The following MFSD6 variants were observed in gnomAD, a reference collection of about 807,000 sequenced individuals.
The protein encoded by MFSD6 is major facilitator superfamily domain-containing protein 6.
Under a neutral mutation model 56.3 loss-of-function variants are expected in MFSD6, and 26 were observed. The observed-to-expected ratio is 0.46, with a 90% CI of 0.34 to 0.64. The LOEUF is 0.64. MFSD6 is among the 30% of genes least tolerant of loss of function. MFSD6 has a pLI of 0.01. For missense variants in MFSD6, 750 were observed against 986.2 expected, an observed-to-expected ratio of 0.76 and a Z score of 3.21; for synonymous variants, 331 against 366.9, an observed-to-expected ratio of 0.90 and a Z score of 1.12.
chr2:190,488,265 A>G lies in MFSD6; in HGVS notation c.1631-392A>G, dbSNP rs970574449. Among the ~76,000 whole-genome samples, 1 of 152,268 alleles carries G rather than the reference A, an allele frequency of 6.6e-6. No individual in the cohort carries two copies. The highest frequency in any genetic ancestry group is 2.4e-5 in the African/African-American group (1 of 41,468). On this transcript the variant is annotated intron_variant, in intron 4 of 7. Transcript: ENST00000392328. The surrounding 1 kb of genome is among the most constrained non-coding windows in gnomAD (Gnocchi z 6.4). The stretch of plus-strand genomic sequence containing the variant: ...ACCAGGTTGATAGCAGCATTAATCA[A>G]AGTAGCAGAAGGAAACAACAAATGT...
At chr2:190,408,718 G>A (rs1404812846) in intron 1 of MFSD6, among the ~76,000 whole-genome samples, 1 of 137,788 alleles carries the variant, frequency 7.3e-6, no homozygotes, top group Non-Finnish European at 1.6e-5. Context: ...TCCCTCCCCC[G>A]GCTTCCGTGT....
In MFSD6 at chr2:190,434,710, G is replaced by A. The variant is rs903373810; in HGVS notation, c.-53-1267G>A. ...GCCTCCCAAAGTGCTGGGATTACAG[G>A]TGTGAGCCACCGCGCCCGGCCAAAA... On this transcript the variant is annotated intron_variant, in intron 2 of 7. Transcript: ENST00000392328. This position sits in a 1 kb window ranked among gnomAD's most constrained non-coding sequence, Gnocchi z 4.3. 6.6e-6 allele frequency among the ~76,000 whole-genome samples: 1 copy of A among 152,172 alleles called. No homozygotes were observed. The highest frequency in any genetic ancestry group is 2.4e-5 in the African/African-American group (1 of 41,436).
chr2:190,430,922 G>A (rs1408504055), intron 2 of MFSD6, among the ~76,000 whole-genome samples: 1 of 151,738 alleles, frequency 6.6e-6, no homozygotes, highest in Non-Finnish European at 1.5e-5. Context: ...GTGGCTGCCG[G>A]GCGGAGGGGC....
Position 190,499,930 on chromosome 2 carries a change from T to C in MFSD6, c.2173-85T>C. Reference sequence around the variant, plus strand: ...CACTTCCGGATGATCTCCCCATGTTTCCTGTCTTACTTGAAAGCATATATA... The same window carrying C: ...CACTTCCGGATGATCTCCCCATGTTCCCTGTCTTACTTGAAAGCATATATA... On this transcript the variant is annotated intron_variant, in intron 7 of 7. Transcript: ENST00000392328. This position sits in a 1 kb window ranked among gnomAD's most constrained non-coding sequence, Gnocchi z 6.0. 1.3e-6 allele frequency: 2 copies of C among 1,594,048 alleles called. No individual in the cohort carries two copies. Among genetic ancestry groups the C allele is most frequent in the Non-Finnish European group, 1.7e-6 (2 of 1,165,898 alleles).
In MFSD6 at chr2:190,497,360, GT is replaced by G; in HGVS notation, c.1892-76del. 4 of 1,498,024 alleles carry G rather than the reference GT, an allele frequency of 2.7e-6. No homozygotes were observed. Among genetic ancestry groups the G allele is most frequent in the Non-Finnish European group, 3.6e-6 (4 of 1,110,690 alleles). The allele number at this position is 1,498,024 out of a possible 1,614,324, so 92.8% of individuals were successfully genotyped here. On this transcript the variant is annotated intron_variant, in intron 6 of 7. Transcript: ENST00000392328. The surrounding 1 kb of genome is among the most constrained non-coding windows in gnomAD (Gnocchi z 5.2). Reference sequence around the variant, plus strand: ...CTGGAATGGGTATATGGGATTCTTGGTTTATTTATTTATTTTTACCTTTGTT... The same window carrying G: ...CTGGAATGGGTATATGGGATTCTTGGTTATTTATTTATTTTTACCTTTGTT...
rs539707076 is a variant in MFSD6 at position 190,414,337 on chromosome 2, T to C, written c.-175-955T>C. 2.6e-4 allele frequency among the ~76,000 whole-genome samples: 39 copies of C among 152,332 alleles called. No individual in the cohort carries two copies. In the South Asian group the frequency reaches 7.9e-3, roughly 31 times the overall value. On this transcript the variant is annotated intron_variant, in intron 1 of 7. Coordinates refer to ENST00000392328, the MANE Select transcript of MFSD6 (RefSeq NM_017694.4). ...CCAATCCAGCAAAGGCAAGCTTCTTTAGCTATTATGGAGTGCCTTTCTTAA... is the reference window on the plus strand; with the variant it reads ...CCAATCCAGCAAAGGCAAGCTTCTTCAGCTATTATGGAGTGCCTTTCTTAA...
upstream of MFSD6, among the ~76,000 whole-genome samples, chr2:190,408,035 C>A (rs1220361288): frequency 6.6e-6 from 1 of 152,174 alleles, no homozygotes; most frequent in Non-Finnish European, 1.5e-5. Flanking sequence ...TCAGCGTGCT[C>A]CCCGGGCCCG....
rs1233182362 is a variant in MFSD6, at chr2:190,423,328, A to C, written c.-54+7915A>C. Among the ~76,000 whole-genome samples, 2 of 152,136 alleles carry C rather than the reference A, an allele frequency of 1.3e-5. No individual in the cohort carries two copies. The highest frequency in any genetic ancestry group is 4.8e-5 in the African/African-American group (2 of 41,434). ...GTGAATTCCTGGCAATCACCTGTCT[A>C]TCTCTATTTCAATGATGTTGTCATT... is the stretch of plus-strand genomic sequence containing the variant. On this transcript the variant is annotated intron_variant, in intron 2 of 7. Transcript: ENST00000392328. The surrounding 1 kb of genome is among the most constrained non-coding windows in gnomAD (Gnocchi z 4.3).
chr2:190,440,818 T>C (rs1437713422), intron 3 of MFSD6, among the ~76,000 whole-genome samples: 2 of 152,144 alleles, frequency 1.3e-5, no homozygotes, highest in Non-Finnish European at 2.9e-5. Flanking sequence ...TAGCAAAATA[T>C]ACAAATGAAC....
rs1690807843 is a variant in MFSD6, at chr2:190,417,097, A to G, written c.-54+1684A>G. On this transcript the variant is annotated intron_variant, in intron 2 of 7. Coordinates refer to ENST00000392328, the MANE Select transcript of MFSD6 (RefSeq NM_017694.4). The surrounding 1 kb of genome is among the most constrained non-coding windows in gnomAD (Gnocchi z 5.7). The stretch of plus-strand genomic sequence containing the variant: ...AGCAATAAAATTACCTATAAATCCT[A>G]CAGTAGATGTGAGAACAATCTCTAG... Among the ~76,000 whole-genome samples, 1 of 152,086 alleles carries G rather than the reference A, an allele frequency of 6.6e-6. No homozygotes were observed. The highest frequency in any genetic ancestry group is 1.9e-4 in the East Asian group (1 of 5,192).
In MFSD6 at chr2:190,469,719, C is replaced by A. The variant is rs1687803148; in HGVS notation, c.1533-39C>A. 1.7e-6 allele frequency: 2 copies of A among 1,178,888 alleles called. No homozygotes were observed. The highest frequency in any genetic ancestry group is 1.7e-5 in the African/African-American group (1 of 60,042). The allele number at this position is 1,178,888 out of a possible 1,614,324, so 73.0% of individuals were successfully genotyped here. A position where few individuals can be genotyped will look rare whatever the true frequency, so the allele number is the denominator to read the frequency against. On this transcript the variant is annotated intron_variant, in intron 3 of 7. Transcript: ENST00000392328. The surrounding 1 kb of genome is among the most constrained non-coding windows in gnomAD (Gnocchi z 5.3). ...TAGGGACTCAGTTTATTTTCCTTTG[C>A]TTTTTTTTATTTTATTTTTATTTTT...
At position 190,500,785 on chromosome 2, in the gene MFSD6, A is replaced by T. The variant is rs1689988113; in HGVS notation, c.*567A>T. On this transcript the variant is annotated 3_prime_UTR_variant, in exon 8 of 8. Coordinates refer to ENST00000392328, the MANE Select transcript of MFSD6 (RefSeq NM_017694.4). This position sits in a 1 kb window ranked among gnomAD's most constrained non-coding sequence, Gnocchi z 5.3. ...AAGTTAAAGTTAAAAAATGAAGTTA[A>T]AAGTTTCATCAGAAACTTTACATAT... 6.5e-6 allele frequency: 1 copy of T among 152,906 alleles called. No homozygotes were observed. The highest frequency in any genetic ancestry group is 1.5e-5 in the Non-Finnish European group (1 of 68,582). The allele number at this position is 152,906 out of a possible 1,614,324, so 9.5% of individuals were successfully genotyped here.
intron 3 of MFSD6, among the ~76,000 whole-genome samples, chr2:190,440,655 AATTT>A (rs1574112848): frequency 1.3e-5 from 2 of 152,196 alleles, no homozygotes; most frequent in African/African-American, 4.8e-5. Context: ...ATTTGATTTA[AATTT>A]ATTTACATTT....
chr2:190,482,167 T>A (rs1018689819), intron 4 of MFSD6, among the ~76,000 whole-genome samples: 1 of 152,228 alleles, frequency 6.6e-6, no homozygotes, highest in Non-Finnish European at 1.5e-5. Context: ...GCATTGCAGA[T>A]GGCAGATTCT....
In MFSD6 at chr2:190,431,020, CCA is replaced by C. The variant is rs1685971033; in HGVS notation, c.-53-4956_-53-4955del. The stretch of plus-strand genomic sequence containing the variant: ...GCTGGGCAGAGACGCTCCTCACCTC[CCA>C]GACGGGGTCGCGGCCGGGCAGAGGC... On this transcript the variant is annotated intron_variant, in intron 2 of 7. Coordinates refer to ENST00000392328, the MANE Select transcript of MFSD6 (RefSeq NM_017694.4). This position sits in a 1 kb window ranked among gnomAD's most constrained non-coding sequence, Gnocchi z 4.4. 8.8e-6 allele frequency among the ~76,000 whole-genome samples: 1 copy of C among 113,672 alleles called. No individual in the cohort carries two copies. Among genetic ancestry groups the C allele is most frequent in the Non-Finnish European group, 2.1e-5 (1 of 47,104 alleles). The allele number at this position is 113,672 out of a possible 152,430, so 74.6% of individuals were successfully genotyped here. A position where few individuals can be genotyped will look rare whatever the true frequency, so the allele number is the denominator to read the frequency against.
intron 3 of MFSD6, chr2:190,444,893 A>T: frequency 1.2e-6 from 1 of 831,392 alleles, no homozygotes; most frequent in Non-Finnish European, 1.4e-6. Context: ...GTAAAAAGTG[A>T]CGTTAATCTT....
At chr2:190,411,076 T>C in intron 1 of MFSD6, 1 of 976,466 alleles carries the variant, frequency 1.0e-6, no homozygotes, top group Non-Finnish European at 1.2e-6. Flanking sequence ...AAAAAAAAAC[T>C]AGCTTCAGAA....
chr2:190,497,860 A>G lies in MFSD6; in HGVS notation c.2172+141A>G. Reference sequence around the variant, plus strand: ...AAATAGACATGCAAACAATTTCAGTACTCTGTGAGCACTGAGTTAAAGAGG... The same window carrying G: ...AAATAGACATGCAAACAATTTCAGTGCTCTGTGAGCACTGAGTTAAAGAGG... On this transcript the variant is annotated intron_variant, in intron 7 of 7. Transcript: ENST00000392328. This position sits in a 1 kb window ranked among gnomAD's most constrained non-coding sequence, Gnocchi z 5.2. The G allele has an allele frequency of 5.2e-6, 5 of 970,064 alleles. No homozygotes were observed. The highest frequency in any genetic ancestry group is 7.5e-6 in the Non-Finnish European group (5 of 663,768). 60.1% of individuals were successfully genotyped at this position (970,064 alleles called of 1,614,324 possible). A position where few individuals can be genotyped will look rare whatever the true frequency, so the allele number is the denominator to read the frequency against.
chr2:190,460,408 C>T (rs537097093), intron 3 of MFSD6, among the ~76,000 whole-genome samples: 6 of 152,234 alleles, frequency 3.9e-5, no homozygotes, highest in East Asian at 3.9e-4. Context: ...CATACACTCG[C>T]GTATGCACAC....
Sources: allele counts gnomAD v4.1 joint callset (sites outside exome capture counted in the v4.1 genomes callset), GRCh38; gene constraint gnomAD v4.1.1; non-coding constraint Gnocchi (gnomAD v3.1); transcripts MANE v1.5; gene names NCBI Gene and HGNC (gene_info 2026-07-23, HGNC 2026-07-21).